Variants in STARD3NL observed in about 807,000 individuals in gnomAD.
STARD3NL encodes the protein STARD3 N-terminal like.
STARD3NL carries 17 observed loss-of-function variants against 30.9 expected under a neutral mutation model. The observed-to-expected ratio is 0.55, with a 90% CI of 0.38 to 0.82. The LOEUF (loss-of-function observed/expected upper bound fraction) is 0.82, where lower values mean the gene tolerates loss of function less well. Among genes scored for constraint, STARD3NL ranks in the 40% least tolerant of loss-of-function variants. The probability of loss-of-function intolerance (pLI) is 0.00; values close to 1 mark genes in which losing one functional copy is unlikely to be tolerated. For missense variants in STARD3NL, 234 were observed against 277.6 expected (o/e 0.84, Z 1.12); for synonymous variants, 112 against 100.5 (o/e 1.11, Z -0.69).
intron 1 of STARD3NL, among the ~76,000 whole-genome samples, chr7:38,184,652 GATATAGTATATA>G (rs1784384189): frequency 7.3e-6 from 1 of 137,798 alleles, no homozygotes; most frequent in African/African-American, 2.8e-5. Flanking sequence ...GTATATAACC[GATATAGTATATA>G]ATATATACTA....
At chr7:38,194,396 T>C (rs1784818580) in intron 1 of STARD3NL, among the ~76,000 whole-genome samples, 2 of 152,160 alleles carry the variant, frequency 1.3e-5, no homozygotes, top group Admixed American at 6.5e-5. Flanking sequence ...GCAACAGTTA[T>C]CATCATCCTC....
At chr7:38,201,048 A>ATGT (rs199802570) in intron 1 of STARD3NL, among the ~76,000 whole-genome samples, 10,101 of 152,312 alleles carry the variant, frequency 0.066, 1,105 homozygotes, top group African/African-American at 0.23. Flanking sequence ...TTCATAACCT[A>ATGT]ACAGAGATTA....
intron 8 of STARD3NL, 65 bp from the exon 9 acceptor site, chr7:38,229,858 T>G (rs1413652782): frequency 1.4e-5 from 2 of 144,376 alleles, no homozygotes; most frequent in East Asian, 2.0e-4. Flanking sequence ...ACATGTAAGG[T>G]GACCGTGGCA....
intron 6 of STARD3NL, among the ~76,000 whole-genome samples, chr7:38,219,196 A>G (rs1786302747): frequency 6.6e-6 from 1 of 152,008 alleles, no homozygotes; most frequent in Non-Finnish European, 1.5e-5. Context: ...ACAGGCATGC[A>G]CTACCACACT....
At chr7:38,183,903 A>G (rs761340764) in intron 1 of STARD3NL, among the ~76,000 whole-genome samples, 22 of 152,230 alleles carry the variant, frequency 1.4e-4, no homozygotes, top group Non-Finnish European at 2.8e-4. Context: ...AACTCCAACC[A>G]TATGTGTAAG....
At chr7:38,187,595 A>G (rs1257125142) in intron 1 of STARD3NL, among the ~76,000 whole-genome samples, 1 of 152,126 alleles carries the variant, frequency 6.6e-6, no homozygotes, top group Non-Finnish European at 1.5e-5. Flanking sequence ...GGCCCACTTC[A>G]TAATTGTTTT....
In STARD3NL at chr7:38,228,272, A is replaced by G. The variant is rs188769087; in HGVS notation, c.650-527A>G. On this transcript the variant is annotated intron_variant, in intron 7 of 8. Transcript: ENST00000009041. ...GCATTATTTCCTCAGGGATAGGTCT[A>G]TCCTAAGGAAAGAATTCCAGAGCGG... Among the ~76,000 whole-genome samples, 201 of 152,358 alleles carry G rather than the reference A, an allele frequency of 1.3e-3. 1 individual carries two copies. The highest frequency in any genetic ancestry group is 2.2e-3 in the Non-Finnish European group (152 of 68,028).
intron 2 of STARD3NL, among the ~76,000 whole-genome samples, chr7:38,211,191 A>G (rs1020121095): frequency 2.0e-5 from 3 of 152,216 alleles, no homozygotes; most frequent in African/African-American, 7.2e-5. Flanking sequence ...TTCTGATTCT[A>G]TTACCTCATT....
intron 4 of STARD3NL, chr7:38,215,392 A>G (rs1472352377): frequency 5.5e-5 from 24 of 436,022 alleles, no homozygotes; most frequent in African/African-American, 1.0e-4. Context: ...TCATTTTGCA[A>G]ATAAGAGATG....
rs1480432042 is a variant in STARD3NL, at chr7:38,186,273, C to T, written c.-59+7853C>T. Among the ~76,000 whole-genome samples the T allele has an allele frequency of 2.0e-5, 3 of 152,164 alleles. No homozygotes were observed. In the East Asian group the frequency reaches 5.8e-4, roughly 29 times the overall value. On this transcript the variant is annotated intron_variant, in intron 1 of 8. Coordinates refer to ENST00000009041, the MANE Select transcript of STARD3NL (RefSeq NM_032016.4). Reference sequence around the variant, plus strand: ...ATTGGCAAAAATAATGGTAACTTCGCACTAGCCATCAGGTATTTTATAACT... The same window carrying T: ...ATTGGCAAAAATAATGGTAACTTCGTACTAGCCATCAGGTATTTTATAACT...
intron 2 of STARD3NL, 78 bp downstream of exon 2, chr7:38,207,807 C>T (rs1785578451): frequency 1.6e-6 from 2 of 1,284,010 alleles, no homozygotes; most frequent in East Asian, 4.7e-5. Context: ...TTTCTCTTAT[C>T]ATTTGTTTCA....
At chr7:38,178,789 G>A (rs1472265341) in intron 1 of STARD3NL, among the ~76,000 whole-genome samples, 1 of 151,698 alleles carries the variant, frequency 6.6e-6, no homozygotes, top group African/African-American at 2.4e-5. Flanking sequence ...AAGAATTGGT[G>A]ACTGGGTGTA....
rs184715303 is a variant in STARD3NL at position 38,222,951 on chromosome 7, A to G, written c.649+3291A>G. On this transcript the variant is annotated intron_variant, in intron 7 of 8. Coordinates refer to ENST00000009041, the MANE Select transcript of STARD3NL (RefSeq NM_032016.4). ...AGAGCAAAGCTTTTCCCTTATGCCA[A>G]TAGCTAAAAATTGAAGCCTTTCAGT... Among the ~76,000 whole-genome samples, 62 of 152,320 alleles carry G rather than the reference A, an allele frequency of 4.1e-4. 1 individual carries two copies. In the Middle Eastern group the frequency reaches 0.01, roughly 25 times the overall value.
intron 3 of STARD3NL, 52 bp from the exon 4 acceptor site, chr7:38,214,976 T>G: frequency 6.6e-7 from 1 of 1,503,888 alleles, no homozygotes; most frequent in Non-Finnish European, 9.2e-7. Flanking sequence ...CATAAAGCTG[T>G]GTCATTTTTG....
intron 1 of STARD3NL, among the ~76,000 whole-genome samples, chr7:38,205,669 A>G (rs1170592133): frequency 6.6e-6 from 1 of 152,172 alleles, no homozygotes; most frequent in African/African-American, 2.4e-5. Flanking sequence ...ACATGTATAT[A>G]CTATATAGCA....
intron 7 of STARD3NL, among the ~76,000 whole-genome samples, chr7:38,220,440 C>T (rs567983574): frequency 6.6e-6 from 1 of 152,214 alleles, no homozygotes; most frequent in East Asian, 1.9e-4. Context: ...CGCTTCATAC[C>T]GATTAGGATG....
At chr7:38,194,466 A>G (rs1313169051) in intron 1 of STARD3NL, among the ~76,000 whole-genome samples, 1 of 152,024 alleles carries the variant, frequency 6.6e-6, no homozygotes, top group Non-Finnish European at 1.5e-5. Flanking sequence ...CCTTTTCCAT[A>G]TAGAATAGTT....
chr7:38,206,150 T>C (rs1047571500), intron 1 of STARD3NL, among the ~76,000 whole-genome samples: 6 of 152,218 alleles, frequency 3.9e-5, no homozygotes, highest in Non-Finnish European at 7.3e-5. Flanking sequence ...AATGGGATCA[T>C]ATTGCTTTAG....
intron 7 of STARD3NL, among the ~76,000 whole-genome samples, chr7:38,225,239 G>C (rs534947733): frequency 1.3e-5 from 2 of 152,084 alleles, no homozygotes; most frequent in African/African-American, 4.8e-5. Flanking sequence ...ACACATTCCA[G>C]ATAAAAGTGT....
Sources: allele counts gnomAD v4.1 joint callset (sites outside exome capture counted in the v4.1 genomes callset), GRCh38; gene constraint gnomAD v4.1.1; transcripts MANE v1.5; gene names NCBI Gene and HGNC (gene_info 2026-07-23, HGNC 2026-07-21).